Variants in DDX10 observed in about 807,000 individuals in gnomAD.
DDX10 encodes the protein DEAD-box helicase 10.
In DDX10, 74 loss-of-function variants were observed where a neutral mutation model predicts 104.3. That is an observed-to-expected ratio of 0.71 (90% CI 0.59 to 0.86). The LOEUF (loss-of-function observed/expected upper bound fraction) is 0.86. Among genes scored for constraint, DDX10 ranks in the 40% least tolerant of loss-of-function variants. The probability of loss-of-function intolerance (pLI) is 0.00; values close to 1 mark genes in which losing one functional copy is unlikely to be tolerated. For missense variants in DDX10, 952 were observed against 1,040.0 expected, an observed-to-expected ratio of 0.92 and a Z score of 1.16; for synonymous variants, 351 against 353.4, an observed-to-expected ratio of 0.99 and a Z score of 0.08.
intron 10 of DDX10, among the ~76,000 whole-genome samples, chr11:108,715,261 C>A (rs2094289906): frequency 6.6e-6 from 1 of 152,102 alleles, no homozygotes; most frequent in African/African-American, 2.4e-5. Flanking sequence ...ACACCTGTAA[C>A]TCAGCACTTT....
At chr11:108,863,825 A>G (rs1022676852) in intron 16 of DDX10, among the ~76,000 whole-genome samples, 4 of 142,232 alleles carry the variant, frequency 2.8e-5, no homozygotes, top group Non-Finnish European at 6.1e-5. Flanking sequence ...ATGAGAGTGG[A>G]TGGGTCTGTA....
At chr11:108,803,208 C>T (rs1862048113) in intron 13 of DDX10, among the ~76,000 whole-genome samples, 1 of 151,878 alleles carries the variant, frequency 6.6e-6, no homozygotes, top group South Asian at 2.1e-4. Flanking sequence ...CTCTCTGCTA[C>T]CTTTCTTACT....
At chr11:108,757,855 C>T (rs186545493) in intron 13 of DDX10, among the ~76,000 whole-genome samples, 14 of 152,082 alleles carry the variant, frequency 9.2e-5, no homozygotes, top group African/African-American at 2.9e-4. Context: ...ACTCTGTGAT[C>T]GATCTCTTAA....
At chr11:108,931,636 T>C (rs756630334) in intron 17 of DDX10, among the ~76,000 whole-genome samples, 1 of 152,220 alleles carries the variant, frequency 6.6e-6, no homozygotes, top group Non-Finnish European at 1.5e-5. Context: ...AAAGGTTCCA[T>C]GGTCACAGTA....
chr11:108,840,291 T>C (rs1591832289), intron 14 of DDX10, among the ~76,000 whole-genome samples: 1 of 152,036 alleles, frequency 6.6e-6, no homozygotes, highest in African/African-American at 2.4e-5. Flanking sequence ...GGCCACAGAG[T>C]GAGAGAGGAG....
At chr11:108,716,921 CTTTTTT>C (rs559505105) in intron 11 of DDX10, among the ~76,000 whole-genome samples, 1 of 146,436 alleles carries the variant, frequency 6.8e-6, no homozygotes, top group East Asian at 2.0e-4. Context: ...TTTAGTTAAA[CTTTTTT>C]TTTTTTAAAG....
chr11:108,687,579 A>T (rs1389433568), intron 6 of DDX10, among the ~76,000 whole-genome samples: 1 of 151,980 alleles, frequency 6.6e-6, no homozygotes, highest in Admixed American at 6.6e-5. Context: ...CTCTTTGGAG[A>T]GGTGTCTGTT....
chr11:108,835,837 G>A (rs965236920), intron 13 of DDX10, among the ~76,000 whole-genome samples: 1 of 152,170 alleles, frequency 6.6e-6, no homozygotes, highest in Non-Finnish European at 1.5e-5. Context: ...AGGCGTGGTG[G>A]GGGGTGGGGG....
chr11:108,689,134 A>G, intron 7 of DDX10, 72 bp downstream of exon 7: 3 of 1,497,288 alleles, frequency 2.0e-6, no homozygotes, highest in Non-Finnish European at 2.8e-6. Flanking sequence ...CAATTAGACA[A>G]ATTATTATAT....
In DDX10 at chr11:108,696,349, G is replaced by A. The variant is rs150100517; in HGVS notation, c.1223+2749G>A. 3.3e-5 allele frequency among the ~76,000 whole-genome samples: 5 copies of A among 152,190 alleles called. No individual in the cohort carries two copies. The East Asian group carries it at 9.7e-4, about 29-fold the overall frequency. On this transcript the variant is annotated intron_variant, in intron 9 of 17. Transcript: ENST00000322536. ...GTGCCACCACACCTGCCTAATTTTTGTATTTTTAGTAGAGATGGCGTTTCA... is the reference window on the plus strand; with the variant it reads ...GTGCCACCACACCTGCCTAATTTTTATATTTTTAGTAGAGATGGCGTTTCA...
At chr11:108,795,295 A>G (rs951722676) in intron 13 of DDX10, among the ~76,000 whole-genome samples, 30 of 91,724 alleles carry the variant, frequency 3.3e-4, no homozygotes, top group Admixed American at 3.1e-3. Context: ...TTTTTTTTTT[A>G]TGGGAGGGTT....
intron 13 of DDX10, among the ~76,000 whole-genome samples, chr11:108,725,831 G>A (rs1027621310): frequency 6.6e-6 from 1 of 151,906 alleles, no homozygotes; most frequent in African/African-American, 2.4e-5. Flanking sequence ...TTATATATGT[G>A]TCGTATCTGA....
intron 13 of DDX10, among the ~76,000 whole-genome samples, chr11:108,823,141 T>C (rs1255267200): frequency 6.6e-6 from 1 of 152,232 alleles, no homozygotes; most frequent in Non-Finnish European, 1.5e-5. Flanking sequence ...CACCACTATA[T>C]GGCTTTGCAC....
In DDX10 at chr11:108,665,079, C is replaced by A. The variant is rs566456830; in HGVS notation, c.-75C>A. 2.1e-6 allele frequency: 3 copies of A among 1,461,812 alleles called. No individual in the cohort carries two copies. The highest frequency in any genetic ancestry group is 1.5e-5 in the South Asian group (1 of 67,310). 90.6% of individuals were successfully genotyped at this position (1,461,812 alleles called of 1,614,324 possible). A position where few individuals can be genotyped will look rare whatever the true frequency, so the allele number is the denominator to read the frequency against. On this transcript the variant is annotated 5_prime_UTR_variant, in exon 1 of 18. Transcript: ENST00000322536. ...CGCATGCGCCTCTGTGCGTTTGTCC[C>A]ATGCTGGTTCCGTGAGTCTGGCCTT... is the stretch of plus-strand genomic sequence containing the variant.
chr11:108,740,963 C>T (rs1176137056), intron 13 of DDX10, among the ~76,000 whole-genome samples: 1 of 152,102 alleles, frequency 6.6e-6, no homozygotes. Context: ...ATTAATCTAT[C>T]TTGAGTTGAT....
At chr11:108,777,841 G>C (rs1194718857) in intron 13 of DDX10, among the ~76,000 whole-genome samples, 6 of 152,082 alleles carry the variant, frequency 3.9e-5, no homozygotes, top group Non-Finnish European at 8.8e-5. Context: ...GCAACTTCAG[G>C]AAAGTGTCAG....
intron 2 of DDX10, among the ~76,000 whole-genome samples, chr11:108,673,799 C>T (rs2094220246): frequency 1.3e-5 from 2 of 152,118 alleles, no homozygotes; most frequent in South Asian, 4.1e-4. Context: ...AACCAAGATG[C>T]AACACCCTTT....
intron 13 of DDX10, among the ~76,000 whole-genome samples, chr11:108,789,189 C>G (rs576070919): frequency 6.6e-6 from 1 of 152,300 alleles, no homozygotes; most frequent in East Asian, 1.9e-4. Context: ...ACTTCCTGTT[C>G]TTGTCACACC....
intron 16 of DDX10, among the ~76,000 whole-genome samples, chr11:108,909,759 TTGTTGGGCACC>T (rs1363323301): frequency 6.6e-6 from 1 of 152,082 alleles, no homozygotes; most frequent in Non-Finnish European, 1.5e-5. Flanking sequence ...ATGAGTTGTA[TTGTTGGGCACC>T]TGTTGGTACC....
Sources: allele counts gnomAD v4.1 joint callset (sites outside exome capture counted in the v4.1 genomes callset), GRCh38; gene constraint gnomAD v4.1.1; transcripts MANE v1.5; gene names NCBI Gene and HGNC (gene_info 2026-07-23, HGNC 2026-07-21).